Variants in STXBP5L observed in about 807,000 individuals in gnomAD.
The protein encoded by STXBP5L is syntaxin-binding protein 5-like.
A neutral mutation model predicts 144.5 loss-of-function variants in STXBP5L; 65 were observed. The ratio of observed to expected loss-of-function variants is 0.45; its 90% confidence interval spans 0.37 to 0.55. STXBP5L has a LOEUF of 0.55. STXBP5L is among the 20% of genes least tolerant of loss of function. The pLI is 0.00. For missense variants in STXBP5L, 1,298 were observed against 1,405.5 expected, an observed-to-expected ratio of 0.92 and a Z score of 1.22; for synonymous variants, 505 against 469.6, an observed-to-expected ratio of 1.08 and a Z score of -0.97.
intron 15 of STXBP5L, among the ~76,000 whole-genome samples, chr3:121,254,621 C>T (rs996985654): frequency 1.3e-5 from 2 of 152,158 alleles, no homozygotes; most frequent in African/African-American, 4.8e-5. Context: ...ATACTTCCTT[C>T]ATGAGACTTT....
At chr3:121,091,186 C>A (rs1245352609) in intron 5 of STXBP5L, among the ~76,000 whole-genome samples, 1 of 147,038 alleles carries the variant, frequency 6.8e-6, no homozygotes, top group Non-Finnish European at 1.5e-5. Flanking sequence ...CATTGATGGA[C>A]ATTTGGATTG....
At chr3:121,247,668 C>T (rs1169550995) in intron 14 of STXBP5L, among the ~76,000 whole-genome samples, 1 of 152,162 alleles carries the variant, frequency 6.6e-6, no homozygotes, top group Non-Finnish European at 1.5e-5. Flanking sequence ...TTTTTTATGG[C>T]TGTGTAATAT....
intron 3 of STXBP5L, among the ~76,000 whole-genome samples, chr3:120,980,635 A>T (rs1941669762): frequency 6.6e-6 from 1 of 151,934 alleles, no homozygotes; most frequent in Admixed American, 6.6e-5. Context: ...CTATCATTGG[A>T]TCTTCTTTTT....
At chr3:121,002,901 C>T (rs1289644526) in intron 3 of STXBP5L, among the ~76,000 whole-genome samples, 1 of 152,156 alleles carries the variant, frequency 6.6e-6, no homozygotes. Flanking sequence ...TTTTTTATGG[C>T]TGCATAGTAT....
At chr3:120,964,037 T>C (rs1325051814) in intron 3 of STXBP5L, among the ~76,000 whole-genome samples, 1 of 152,248 alleles carries the variant, frequency 6.6e-6, no homozygotes, top group African/African-American at 2.4e-5. Context: ...CCATTTCTTC[T>C]AGATTTTCTA....
At chr3:121,204,075 T>G (rs1407807524) in intron 9 of STXBP5L, among the ~76,000 whole-genome samples, 3 of 152,032 alleles carry the variant, frequency 2.0e-5, no homozygotes, top group Non-Finnish European at 2.9e-5. Flanking sequence ...CTGTCTCTAC[T>G]AAAAATACAA....
chr3:121,312,368 CTT>C (rs71619793), intron 19 of STXBP5L, among the ~76,000 whole-genome samples: 1,400 of 60,118 alleles, frequency 0.023, 19 homozygotes, highest in Middle Eastern at 0.056. Context: ...TAAAGAGCTT[CTT>C]TTTTTTTTTT....
intron 5 of STXBP5L, among the ~76,000 whole-genome samples, chr3:121,100,303 G>A (rs778215308): frequency 6.6e-6 from 1 of 152,060 alleles, no homozygotes; most frequent in Non-Finnish European, 1.5e-5. Context: ...ACTCACTCTT[G>A]TCTTCTGCAC....
intron 5 of STXBP5L, among the ~76,000 whole-genome samples, chr3:121,104,103 C>A (rs980102450): frequency 6.6e-6 from 1 of 152,098 alleles, no homozygotes; most frequent in Non-Finnish European, 1.5e-5. Context: ...ATATGTCAAT[C>A]ATCATATGAA....
At chr3:121,335,307 T>C (rs2044467558) in intron 20 of STXBP5L, among the ~76,000 whole-genome samples, 1 of 151,934 alleles carries the variant, frequency 6.6e-6, no homozygotes, top group African/African-American at 2.4e-5. Flanking sequence ...AAAACAGAGA[T>C]GACACAAACA....
At chr3:121,141,416 G>A (rs542378431) in intron 7 of STXBP5L, among the ~76,000 whole-genome samples, 1 of 150,480 alleles carries the variant, frequency 6.6e-6, no homozygotes, top group South Asian at 2.1e-4. Flanking sequence ...AAAAAAAAAT[G>A]TGTAAAACTT....
intron 3 of STXBP5L, among the ~76,000 whole-genome samples, chr3:121,014,361 C>T (rs1216819049): frequency 6.6e-6 from 1 of 151,920 alleles, no homozygotes; most frequent in Non-Finnish European, 1.5e-5. Flanking sequence ...CCTTCTGTCA[C>T]CACATAGCAG....
chr3:121,339,059 C>A (rs1048368303), intron 20 of STXBP5L, among the ~76,000 whole-genome samples: 1 of 152,084 alleles, frequency 6.6e-6, no homozygotes, highest in African/African-American at 2.4e-5. Context: ...AAGCCAGTAT[C>A]ACCTTGATAC....
chr3:121,182,799 G>T (rs1201603272), intron 9 of STXBP5L, among the ~76,000 whole-genome samples: 1 of 152,142 alleles, frequency 6.6e-6, no homozygotes, highest in Admixed American at 6.5e-5. Context: ...AGCTGAATTA[G>T]AAATGAAAGG....
chr3:121,326,660 GA>G (rs747669801), intron 20 of STXBP5L, among the ~76,000 whole-genome samples: 1 of 152,004 alleles, frequency 6.6e-6, no homozygotes, highest in Non-Finnish European at 1.5e-5. Flanking sequence ...CAATTTTAGA[GA>G]AAAATTTGAC....
intron 3 of STXBP5L, among the ~76,000 whole-genome samples, chr3:121,029,525 T>C (rs896371076): frequency 6.6e-6 from 1 of 152,068 alleles, no homozygotes; most frequent in Non-Finnish European, 1.5e-5. Flanking sequence ...TATACAACAA[T>C]TAATGCAAGA....
At chr3:121,219,497 G>A (rs920739206) in intron 10 of STXBP5L, among the ~76,000 whole-genome samples, 4 of 152,020 alleles carry the variant, frequency 2.6e-5, no homozygotes, top group African/African-American at 9.7e-5. Flanking sequence ...CATTTCCAGA[G>A]ATAAACAGCT....
At chr3:120,947,556 A>T (rs1036000847) in intron 2 of STXBP5L, among the ~76,000 whole-genome samples, 20 of 151,788 alleles carry the variant, frequency 1.3e-4, no homozygotes, top group Non-Finnish European at 2.9e-4. Flanking sequence ...AACCTCCACG[A>T]TCAATTTTAG....
intron 5 of STXBP5L, among the ~76,000 whole-genome samples, chr3:121,086,331 G>T (rs2042491543): frequency 2.0e-5 from 3 of 152,002 alleles, no homozygotes; most frequent in South Asian, 2.1e-4. Flanking sequence ...TTACAATAAG[G>T]CATGATATTA....
Sources: gnomAD v4.1 joint callset for allele counts (sites outside exome capture counted in the v4.1 genomes callset) on GRCh38, gnomAD v4.1.1 for gene constraint, MANE v1.5 for transcripts, NCBI Gene and HGNC (gene_info 2026-07-23, HGNC 2026-07-21) for gene names.